Variants in PYGO1 observed in about 807,000 individuals in gnomAD.
The protein encoded by PYGO1 is pygopus family PHD finger 1.
In PYGO1, 6 loss-of-function variants were observed where a neutral mutation model predicts 29.5. That is an observed-to-expected ratio of 0.20 (90% CI 0.11 to 0.40). The LOEUF is 0.40. PYGO1 is among the 10% of genes least tolerant of loss of function. PYGO1 has a pLI of 1.00. For missense variants in PYGO1, 515 were observed against 514.9 expected (o/e 1.00, Z 0.00); for synonymous variants, 186 against 180.5 (o/e 1.03, Z -0.24).
intron 1 of PYGO1, among the ~76,000 whole-genome samples, chr15:55,577,006 T>TAA (rs5812805): frequency 0.088 from 12,996 of 148,428 alleles, 991 homozygotes; most frequent in East Asian, 0.3. Flanking sequence ...GCAACAAAGA[T>TAA]AAAAAAAAAA....
rs930396890 is a variant in PYGO1 at position 55,539,891 on chromosome 15, G to A, written c.*6132C>T. ...ACTGACATAGTAAAACCTTATTAAG[G>A]ATAATTTAAACTGATATGTCTAAAA... On this transcript the variant is annotated 3_prime_UTR_variant, in exon 3 of 3. Transcript: ENST00000563719. 1 of 151,940 alleles carries A rather than the reference G, an allele frequency of 6.6e-6. No individual in the cohort carries two copies. Among genetic ancestry groups the A allele is most frequent in the Non-Finnish European group, 1.5e-5 (1 of 67,886 alleles). 9.4% of individuals were successfully genotyped at this position (151,940 alleles called of 1,614,324 possible).
At chr15:55,566,559 T>G (rs766115347) in intron 1 of PYGO1, among the ~76,000 whole-genome samples, 5 of 152,172 alleles carry the variant, frequency 3.3e-5, no homozygotes, top group African/African-American at 7.2e-5. Context: ...GTCTTTTTAG[T>G]AGAACAATTT....
At chr15:55,554,622 A>T (rs2058895688) in intron 1 of PYGO1, among the ~76,000 whole-genome samples, 1 of 152,290 alleles carries the variant, frequency 6.6e-6, no homozygotes, top group South Asian at 2.1e-4. Context: ...GCTAAGAATC[A>T]TGATAAAACA....
intron 1 of PYGO1, among the ~76,000 whole-genome samples, chr15:55,581,704 G>A (rs919139633): frequency 2.6e-5 from 4 of 152,142 alleles, no homozygotes; most frequent in African/African-American, 9.7e-5. Flanking sequence ...TATTTACTGA[G>A]AGGATTAAGC....
At chr15:55,552,543 C>T (rs893130425) in intron 1 of PYGO1, among the ~76,000 whole-genome samples, 4 of 151,776 alleles carry the variant, frequency 2.6e-5, no homozygotes, top group Non-Finnish European at 4.4e-5. Context: ...GGCAATCGCC[C>T]GCCCAGGAGC....
intron 1 of PYGO1, among the ~76,000 whole-genome samples, chr15:55,553,702 C>T (rs145689827): frequency 2.0e-3 from 297 of 152,222 alleles, no homozygotes; most frequent in African/African-American, 6.4e-3. Context: ...TGAGCCAACG[C>T]GCCCAGCCTC....
intron 1 of PYGO1, among the ~76,000 whole-genome samples, chr15:55,554,857 A>G (rs1367624711): frequency 6.6e-6 from 1 of 152,140 alleles, no homozygotes; most frequent in African/African-American, 2.4e-5. Context: ...AGGAATATGG[A>G]ATTATGTAGA....
rs563489197 is a variant in PYGO1, at chr15:55,541,773, G to T, written c.*4250C>A. On this transcript the variant is annotated 3_prime_UTR_variant, in exon 3 of 3. Coordinates refer to ENST00000563719, the MANE Select transcript of PYGO1 (RefSeq NM_001367806.1). ...AGCATGGTAAGGGGGCAAATGCAAA[G>T]AAACCCACACCAAAGAACTTAACCT... 1 of 152,196 alleles carries T rather than the reference G, an allele frequency of 6.6e-6. No individual in the cohort carries two copies. The highest frequency in any genetic ancestry group is 1.5e-5 in the Non-Finnish European group (1 of 68,076). 9.4% of individuals were successfully genotyped at this position (152,196 alleles called of 1,614,324 possible). A position where few individuals can be genotyped will look rare whatever the true frequency, so the allele number is the denominator to read the frequency against.
intron 1 of PYGO1, among the ~76,000 whole-genome samples, chr15:55,581,248 G>C (rs2059023805): frequency 6.6e-6 from 1 of 152,140 alleles, no homozygotes; most frequent in African/African-American, 2.4e-5. Context: ...GAAAAAGAGG[G>C]CATGTTTAGC....
intron 1 of PYGO1, among the ~76,000 whole-genome samples, chr15:55,562,761 A>G (rs2058938431): frequency 6.6e-6 from 1 of 152,200 alleles, no homozygotes; most frequent in Admixed American, 6.5e-5. Context: ...CTCATCAATG[A>G]TAAAGAAAAT....
chr15:55,546,198 G>C lies in PYGO1; in HGVS notation c.1085C>G (p.Ser362Cys), dbSNP rs1014385575. ...GATCCGATGAAACCATTTCTGACAA[G>C]AGGCCTCACATAAGATGGCATCCTG... Reference protein sequence around the residue: ...DDQDAILCEASCQKWFHRICT... With the variant: ...DDQDAILCEACCQKWFHRICT... The change falls in exon 3 of 3, where the codon TCT becomes TGT. Residue 362 changes from serine (S) to cysteine (C), a missense_variant. Coordinates refer to ENST00000563719, the MANE Select transcript of PYGO1 (RefSeq NM_001367806.1). 6.2e-7 allele frequency: 1 copy of C among 1,614,184 alleles called. No homozygotes were observed. Among genetic ancestry groups the C allele is most frequent in the Non-Finnish European group, 8.5e-7 (1 of 1,180,032 alleles).
intron 1 of PYGO1, among the ~76,000 whole-genome samples, chr15:55,555,327 C>T (rs1191829318): frequency 6.6e-6 from 1 of 151,876 alleles, no homozygotes; most frequent in African/African-American, 2.4e-5. Context: ...TTCGTCACCA[C>T]TGAGCCTGCC....
At chr15:55,578,871 CT>C (rs2059014745) in intron 1 of PYGO1, among the ~76,000 whole-genome samples, 1 of 152,136 alleles carries the variant, frequency 6.6e-6, no homozygotes, top group African/African-American at 2.4e-5. Flanking sequence ...TCTATTTCTT[CT>C]TTGGTTAATT....
chr15:55,558,974 AT>A (rs1490290308), intron 1 of PYGO1, among the ~76,000 whole-genome samples: 1 of 152,008 alleles, frequency 6.6e-6, no homozygotes, highest in Non-Finnish European at 1.5e-5. Context: ...AAAAGCCAAA[AT>A]TGACAAATGG....
At chr15:55,577,723 A>C (rs1259343534) in intron 1 of PYGO1, among the ~76,000 whole-genome samples, 1 of 150,772 alleles carries the variant, frequency 6.6e-6, no homozygotes, top group Non-Finnish European at 1.5e-5. Context: ...TCCCATCAAC[A>C]GTCACTCCTC....
chr15:55,560,076 C>T (rs936872442), intron 1 of PYGO1, among the ~76,000 whole-genome samples: 1 of 152,064 alleles, frequency 6.6e-6, no homozygotes, highest in African/African-American at 2.4e-5. Context: ...AGCTGATTAT[C>T]ATACTGAATG....
At chr15:55,552,361 C>CAAAAAAAAA (rs56789656) in intron 1 of PYGO1, among the ~76,000 whole-genome samples, 60 of 52,992 alleles carry the variant, frequency 1.1e-3, no homozygotes, top group African/African-American at 3.0e-3. Flanking sequence ...ACTCTGTCTC[C>CAAAAAAAAA]AAAAAAAAAA....
intron 1 of PYGO1, among the ~76,000 whole-genome samples, chr15:55,579,032 G>T (rs892508394): frequency 2.6e-5 from 4 of 152,112 alleles, no homozygotes; most frequent in Non-Finnish European, 5.9e-5. Context: ...ATTTTAATTT[G>T]ATGTTATAAT....
chr15:55,575,711 G>T (rs2058998436), intron 1 of PYGO1, among the ~76,000 whole-genome samples: 1 of 152,136 alleles, frequency 6.6e-6, no homozygotes, highest in African/African-American at 2.4e-5. Flanking sequence ...GGTAAATCTA[G>T]TTTGTAGTAT....
Sources: gnomAD v4.1 joint callset for allele counts (sites outside exome capture counted in the v4.1 genomes callset) on GRCh38, gnomAD v4.1.1 for gene constraint, MANE v1.5 for transcripts, NCBI Gene and HGNC (gene_info 2026-07-23, HGNC 2026-07-21) for gene names.